DSG1: variants seen among roughly 807,000 people sequenced by gnomAD.
DSG1 encodes desmoglein 1, also known as desmoglein-1.
A neutral mutation model predicts 97.5 loss-of-function variants in DSG1; 39 were observed. That is an observed-to-expected ratio of 0.40 (90% CI 0.31 to 0.52). The LOEUF (loss-of-function observed/expected upper bound fraction) is 0.52, where lower values mean the gene tolerates loss of function less well. Ranked by LOEUF, DSG1 falls within the 20% of genes least tolerant of loss-of-function variation. DSG1 has a pLI of 0.53. For missense variants in DSG1, 1,311 were observed against 1,295.4 expected, an observed-to-expected ratio of 1.01 and a Z score of -0.18; for synonymous variants, 475 against 443.4, an observed-to-expected ratio of 1.07 and a Z score of -0.90.
rs758580521 is a variant in DSG1, at chr18:31,330,046, G to A, written c.517+10G>A. On this transcript the variant is annotated intron_variant, in intron 5 of 14. Coordinates refer to ENST00000257192, the MANE Select transcript of DSG1 (RefSeq NM_001942.4). ...GAAAATTCTAATGCAAGTAAGTAAT[G>A]TAGTGGCTTCCAAATCACTCCTAAC... The A allele has an allele frequency of 1.9e-6, 3 of 1,612,450 alleles. No homozygotes were observed. Among genetic ancestry groups the A allele is most frequent in the Non-Finnish European group, 2.5e-6 (3 of 1,178,846 alleles).
intron 1 of DSG1, among the ~76,000 whole-genome samples, chr18:31,320,706 C>T (rs916088229): frequency 2.0e-5 from 3 of 152,146 alleles, no homozygotes; most frequent in Non-Finnish European, 4.4e-5. Context: ...TCCATGTAAT[C>T]AGTGTATGGA....
Position 31,353,554 on chromosome 18 carries a change from C to T in DSG1, c.2101-743C>T, listed in dbSNP as rs1174596842. On this transcript the variant is annotated intron_variant, in intron 14 of 14. Transcript: ENST00000257192. ...CTAATCAAGCCTGGGCAATGGCGGG[C>T]GCCCCTCCCCCAGCCTCACTGCCGC... 3.6e-3 allele frequency among the ~76,000 whole-genome samples: 551 copies of T among 152,218 alleles called. 3 individuals are homozygous for T. The highest frequency in any genetic ancestry group is 0.013 in the African/African-American group (524 of 41,550).
In DSG1 at chr18:31,318,258, A is replaced by C; in HGVS notation, c.-43A>C. 11 of 1,576,834 alleles carry C rather than the reference A, an allele frequency of 7.0e-6. No individual in the cohort carries two copies. The highest frequency in any genetic ancestry group is 9.6e-6 in the Non-Finnish European group (11 of 1,146,000). On this transcript the variant is annotated 5_prime_UTR_variant, in exon 1 of 15. Transcript: ENST00000257192. ...GAAAGAAAAAGAACAGAGAAGAACAAACAAAACTCCCTTGGTCTTGGATGT... is the reference window on the plus strand; with the variant it reads ...GAAAGAAAAAGAACAGAGAAGAACACACAAAACTCCCTTGGTCTTGGATGT...
chr18:31,352,172 C>G (rs1598716528), intron 14 of DSG1, among the ~76,000 whole-genome samples: 1 of 151,830 alleles, frequency 6.6e-6, no homozygotes, highest in East Asian at 1.9e-4. Context: ...CTGGTGGTGA[C>G]AAAATCTCTC....
chr18:31,332,746 T>C (rs2071728765), intron 6 of DSG1, among the ~76,000 whole-genome samples: 1 of 152,196 alleles, frequency 6.6e-6, no homozygotes, highest in Non-Finnish European at 1.5e-5. Context: ...TTTAATACTC[T>C]TTAATTATCT....
chr18:31,355,656 C>T lies in DSG1; in HGVS notation c.*310C>T, dbSNP rs2144129605. 2 of 374,708 alleles carry T rather than the reference C, an allele frequency of 5.3e-6. No individual in the cohort carries two copies. Among genetic ancestry groups the T allele is most frequent in the Non-Finnish European group, 1.0e-5 (2 of 200,832 alleles). The allele number at this position is 374,708 out of a possible 1,614,324, so 23.2% of individuals were successfully genotyped here. A position where few individuals can be genotyped will look rare whatever the true frequency, so the allele number is the denominator to read the frequency against. On this transcript the variant is annotated 3_prime_UTR_variant, in exon 15 of 15. Coordinates refer to ENST00000257192, the MANE Select transcript of DSG1 (RefSeq NM_001942.4). ...CCTTACGATGGCAATTGGCATCATT[C>T]TCCTTGCTCTGTTTTGCTTTTCCAT...
chr18:31,346,353 T>G (rs2071836313), intron 14 of DSG1, among the ~76,000 whole-genome samples, 155 bp downstream of exon 14: 1 of 152,128 alleles, frequency 6.6e-6, no homozygotes, highest in African/African-American at 2.4e-5. Context: ...GTTAATGAAT[T>G]ATATATCTAA....
rs574439712 is a variant in DSG1 at position 31,343,815 on chromosome 18, AT to A, written c.1822-101del. 7.8e-3 allele frequency: 7,721 copies of A among 995,314 alleles called. 1 individual carries two copies. The highest frequency in any genetic ancestry group is 9.0e-3 in the Non-Finnish European group (6,137 of 682,724). 61.7% of individuals were successfully genotyped at this position (995,314 alleles called of 1,614,324 possible). ...TGGATTTCAGAATTTCCTAAATAGTATTTTTTTTTTAGGAAATCTGAGGTAA... is the reference window on the plus strand; with the variant it reads ...TGGATTTCAGAATTTCCTAAATAGTATTTTTTTTTAGGAAATCTGAGGTAA... On this transcript the variant is annotated intron_variant, in intron 12 of 14. Coordinates refer to ENST00000257192, the MANE Select transcript of DSG1 (RefSeq NM_001942.4).
Position 31,333,473 on chromosome 18 carries a change from C to T in DSG1, c.685-116C>T, listed in dbSNP as rs2071732787. ...GGATTTCCCATATTCTGTGTTAACC[C>T]TACCTCTATCATAGATTTATGTAAA... On this transcript the variant is annotated intron_variant, in intron 6 of 14. Coordinates refer to ENST00000257192, the MANE Select transcript of DSG1 (RefSeq NM_001942.4). 4 of 1,237,958 alleles carry T rather than the reference C, an allele frequency of 3.2e-6. No individual in the cohort carries two copies. In the Admixed American group the frequency reaches 6.9e-5, roughly 21 times the overall value. The allele number at this position is 1,237,958 out of a possible 1,614,324, so 76.7% of individuals were successfully genotyped here.
In DSG1 at chr18:31,343,452, G is replaced by T. The variant is rs146919961; in HGVS notation, c.1690G>T (p.Val564Phe). The T allele has an allele frequency of 6.2e-7, 1 of 1,614,060 alleles. No individual in the cohort carries two copies. The highest frequency in any genetic ancestry group is 2.2e-5 in the East Asian group (1 of 44,872). ...LIMGFLVLGL[V>F]PFLMICCDCG... ...TATTACTATCCCTCCACCACCAGTGGTCCCATTTTTGATGATCTGTTGTGA... is the reference window on the plus strand; with the variant it reads ...TATTACTATCCCTCCACCACCAGTGTTCCCATTTTTGATGATCTGTTGTGA... Residue 564 changes from valine to phenylalanine, a missense_variant and splice_region_variant, in exon 12 of 15, where the codon GTC (valine) becomes TTC (phenylalanine). Physicochemically the swap from Val to Phe is conservative, Grantham distance 50. This residue lies in a region of DSG1 where 1,038 missense variants were observed against 964.6 expected (regional missense o/e 1.08). Coordinates refer to ENST00000257192, the MANE Select transcript of DSG1 (RefSeq NM_001942.4).
rs774891813 is a variant in DSG1 at position 31,318,280 on chromosome 18, A to C, written c.-21A>C. On this transcript the variant is annotated 5_prime_UTR_variant, in exon 1 of 15. It removes an upstream start codon present in the reference 5' UTR. Coordinates refer to ENST00000257192, the MANE Select transcript of DSG1 (RefSeq NM_001942.4). The stretch of plus-strand genomic sequence containing the variant: ...ACAAACAAAACTCCCTTGGTCTTGG[A>C]TGTAAGAGAATCCAGCAGAGATGGA... 6.8e-6 allele frequency: 11 copies of C among 1,610,092 alleles called. No individual in the cohort carries two copies. Among genetic ancestry groups the C allele is most frequent in the Non-Finnish European group, 9.4e-6 (11 of 1,176,324 alleles).
In DSG1 at chr18:31,334,203, G is replaced by A. The variant is rs760647973; in HGVS notation, c.1005+1G>A. The A allele has an allele frequency of 6.4e-7, 1 of 1,564,750 alleles. No homozygotes were observed. Among genetic ancestry groups the A allele is most frequent in the Non-Finnish European group, 8.8e-7 (1 of 1,136,784 alleles). On this transcript the variant is annotated splice_donor_variant, in intron 8 of 14. Transcript: ENST00000257192. LOFTEE classifies it high-confidence loss of function. ...TGTGGGAATTTTAAAGGTTGTTAAG[G>A]TATGGTATAATTATCCTAAATATTT...
Position 31,354,257 on chromosome 18 carries a change from G to A in DSG1, c.2101-40G>A, listed in dbSNP as rs746437460. ...AGGCTGTTCTATTATTGTTAAATATGCATTCATAATTTCATTTTCTCTTTC... is the reference window on the plus strand; with the variant it reads ...AGGCTGTTCTATTATTGTTAAATATACATTCATAATTTCATTTTCTCTTTC... On this transcript the variant is annotated intron_variant, in intron 14 of 14. Coordinates refer to ENST00000257192, the MANE Select transcript of DSG1 (RefSeq NM_001942.4). The A allele has an allele frequency of 1.3e-5, 20 of 1,530,908 alleles. No individual in the cohort carries two copies. In the Admixed American group the frequency reaches 1.5e-4, roughly 12 times the overall value. 94.8% of individuals were successfully genotyped at this position (1,530,908 alleles called of 1,614,324 possible).
In DSG1 at chr18:31,353,742, G is replaced by A. The variant is rs546320445; in HGVS notation, c.2101-555G>A. 2.1e-4 allele frequency among the ~76,000 whole-genome samples: 32 copies of A among 151,962 alleles called. No homozygotes were observed. In the South Asian group the frequency reaches 3.5e-3, roughly 17 times the overall value. ...GGAGTGACCCGATTTTCCAGGTGCC[G>A]TCCGTCACCCCTTTCTTTGACTCAG... On this transcript the variant is annotated intron_variant, in intron 14 of 14. Coordinates refer to ENST00000257192, the MANE Select transcript of DSG1 (RefSeq NM_001942.4).
chr18:31,333,787 A>C, intron 7 of DSG1, 64 bp downstream of exon 7: 1 of 1,577,044 alleles, frequency 6.3e-7, no homozygotes, highest in Non-Finnish European at 8.7e-7. Flanking sequence ...TATACGAACA[A>C]TTCTGCTTAC....
Position 31,354,312 on chromosome 18 carries a change from G to T in DSG1, c.2116G>T (p.Ala706Ser), listed in dbSNP as rs61730307. Residue 706 changes from alanine (A) to serine (S), a missense_variant, in exon 15 of 15, where the codon GCA (alanine) becomes TCA (serine). By Grantham distance (99) the Ala-to-Ser change is moderately conservative. Transcript: ENST00000257192. ...SYFCQKAYAY[A>S]DEDEGRPSND... is the part of the protein sequence containing the mutation. ...ATAAATTCAGAAAGCATATGCTTAC[G>T]CAGATGAAGATGAAGGACGCCCATC... 1.2e-6 allele frequency: 2 copies of T among 1,614,084 alleles called. No individual in the cohort carries two copies. Among genetic ancestry groups the T allele is most frequent in the Non-Finnish European group, 1.7e-6 (2 of 1,179,982 alleles).
At chr18:31,335,833 GATTT>G (rs1232561244) in intron 8 of DSG1, among the ~76,000 whole-genome samples, 1 of 150,132 alleles carries the variant, frequency 6.7e-6, no homozygotes, top group African/African-American at 2.4e-5. Flanking sequence ...GAAGAAAATA[GATTT>G]ATTTATATTA....
intron 1 of DSG1, 34 bp from the exon 2 acceptor site, chr18:31,326,547 A>G (rs748699984): frequency 2.2e-5 from 34 of 1,516,052 alleles, no homozygotes; most frequent in Non-Finnish European, 2.8e-5. Context: ...ATTTAATTAA[A>G]AAATAACTAG....
rs1220740664 is a variant in DSG1 at position 31,346,131 on chromosome 18, G to T, written c.2033G>T (p.Arg678Ile). 1.9e-6 allele frequency: 3 copies of T among 1,613,786 alleles called. No individual in the cohort carries two copies. In the South Asian group the frequency reaches 3.3e-5, roughly 18 times the overall value. Reference protein sequence around the residue: ...ICQEYSGTLRRNSMRECREGG... With the variant: ...ICQEYSGTLRINSMRECREGG... Reference sequence around the variant, plus strand: ...CAAGAATACTCTGGAACATTAAGAAGAAATTCTATGAGGGAATGTAGAGAA... The same window carrying T: ...CAAGAATACTCTGGAACATTAAGAATAAATTCTATGAGGGAATGTAGAGAA... The change falls in exon 14 of 15, where the codon AGA becomes ATA. Residue 678 changes from arginine (R) to isoleucine (I), a missense_variant. Transcript: ENST00000257192.
Sources: gnomAD v4.1 joint callset for allele counts (sites outside exome capture counted in the v4.1 genomes callset) on GRCh38, gnomAD v4.1.1 for gene constraint, gnomAD v4.1.1 regional missense constraint, MANE v1.5 for transcripts, NCBI Gene and HGNC (gene_info 2026-07-23, HGNC 2026-07-21) for gene names.